The following ZNF280D variants were observed in gnomAD, a reference collection of about 807,000 sequenced individuals.
The protein encoded by ZNF280D is zinc finger protein 280D, also known as suppressor of hairy wing homolog 4.
Under a neutral mutation model 94.7 loss-of-function variants are expected in ZNF280D, and 39 were observed. The ratio of observed to expected loss-of-function variants is 0.41; its 90% CI spans 0.32 to 0.54. The LOEUF (loss-of-function observed/expected upper bound fraction) is 0.54. Ranked by LOEUF, ZNF280D falls within the 20% of genes least tolerant of loss-of-function variation. The probability of loss-of-function intolerance (pLI) is 0.22; values close to 1 mark genes in which losing one functional copy is unlikely to be tolerated. For missense variants in ZNF280D, 1,090 were observed against 1,149.3 expected (o/e 0.95, Z 0.75); for synonymous variants, 398 against 377.6 (o/e 1.05, Z -0.63).
At chr15:56,665,521 T>A (rs2054224756) in intron 16 of ZNF280D, among the ~76,000 whole-genome samples, 1 of 151,746 alleles carries the variant, frequency 6.6e-6, no homozygotes, top group Non-Finnish European at 1.5e-5. Context: ...GGCATCATGG[T>A]GGAATGGTGT....
chr15:56,701,074 T>C lies in ZNF280D; in HGVS notation c.242-2A>G. 1 of 1,613,510 alleles carries C rather than the reference T, an allele frequency of 6.2e-7. No homozygotes were observed. The highest frequency in any genetic ancestry group is 8.5e-7 in the Non-Finnish European group (1 of 1,179,604). On this transcript the variant is annotated splice_acceptor_variant, in intron 5 of 21. Coordinates refer to ENST00000267807, the MANE Select transcript of ZNF280D (RefSeq NM_017661.4). LOFTEE classifies it high-confidence loss of function. ...TAGGCTTGAATGCAGCAGTAATACC[T>C]GTATTTTAAAGTAACACAATATATG...
intron 20 of ZNF280D, chr15:56,635,476 T>C (rs1346884119): frequency 6.0e-6 from 1 of 167,190 alleles, no homozygotes; most frequent in Non-Finnish European, 1.3e-5. Context: ...CAAAAGTTTC[T>C]GATTCAAGGT....
intron 3 of ZNF280D, among the ~76,000 whole-genome samples, chr15:56,705,826 T>C (rs1294248922): frequency 6.6e-6 from 1 of 151,910 alleles, no homozygotes; most frequent in Admixed American, 6.6e-5. Context: ...TTTCCCCCTA[T>C]ACATTAGAGG....
intron 4 of ZNF280D, 23 bp from the exon 5 acceptor site, chr15:56,701,261 T>G: frequency 7.2e-7 from 1 of 1,389,138 alleles, no homozygotes; most frequent in Non-Finnish European, 9.8e-7. Context: ...ATATTTATTT[T>G]AAAATACATT....
In ZNF280D at chr15:56,631,859, A is replaced by T; in HGVS notation, c.2579T>A (p.Ile860Lys). 11 of 1,613,866 alleles carry T rather than the reference A, an allele frequency of 6.8e-6. No individual in the cohort carries two copies. The highest frequency in any genetic ancestry group is 9.3e-6 in the Non-Finnish European group (11 of 1,180,016). ...ATCTTTAATCTGATCAGATAAGATT[A>T]TGTTTTCTGAACTTTGGCACATCTT... ...ELKMCQSSEN[I>K]ILSDQIKDHN... Residue 860 changes from isoleucine (I) to lysine (K), a missense_variant, in exon 22 of 22, where the codon ATA becomes AAA. Ile to Lys is a moderately radical substitution (Grantham distance 102). Transcript: ENST00000267807.
intron 16 of ZNF280D, among the ~76,000 whole-genome samples, chr15:56,663,664 G>T (rs1172451390): frequency 1.3e-5 from 2 of 152,222 alleles, no homozygotes; most frequent in Non-Finnish European, 2.9e-5. Context: ...TAAGAGCTGT[G>T]TGTGATGACA....
At chr15:56,640,858 T>C (rs1179218496) in intron 20 of ZNF280D, among the ~76,000 whole-genome samples, 1 of 152,160 alleles carries the variant, frequency 6.6e-6, no homozygotes, top group Non-Finnish European at 1.5e-5. Flanking sequence ...GTTATTGATA[T>C]CAAATGCTGC....
chr15:56,690,691 T>C (rs1304079643), intron 7 of ZNF280D, among the ~76,000 whole-genome samples: 9 of 152,188 alleles, frequency 5.9e-5, no homozygotes, highest in African/African-American at 1.2e-4. Context: ...ATCCAGGCTA[T>C]AAAAAGGCTC....
intron 11 of ZNF280D, among the ~76,000 whole-genome samples, chr15:56,678,173 AATTTTTGT>A (rs2055374358): frequency 6.6e-6 from 1 of 151,832 alleles, no homozygotes; most frequent in South Asian, 2.1e-4. Context: ...ATGCCCGGCT[AATTTTTGT>A]ATTTTTAGTA....
intron 13 of ZNF280D, among the ~76,000 whole-genome samples, chr15:56,669,886 TATTA>T (rs1349485060): frequency 1.8e-4 from 1 of 5,688 alleles, no homozygotes; most frequent in Non-Finnish European, 4.3e-4. Context: ...TATATATATA[TATTA>T]TATATATATA....
chr15:56,656,741 A>C (rs971190285), intron 17 of ZNF280D, among the ~76,000 whole-genome samples: 5 of 152,276 alleles, frequency 3.3e-5, no homozygotes, highest in East Asian at 1.9e-4. Flanking sequence ...AGGCACAGAC[A>C]AAAAAACCAA....
intron 7 of ZNF280D, 108 bp downstream of exon 7, chr15:56,692,990 T>TG: frequency 3.2e-6 from 2 of 632,670 alleles, no homozygotes; most frequent in Non-Finnish European, 5.6e-6. Context: ...TTACAATATA[T>TG]GAAAAACTTC....
chr15:56,647,146 G>C (rs539756380), intron 19 of ZNF280D, among the ~76,000 whole-genome samples: 133 of 152,266 alleles, frequency 8.7e-4, no homozygotes, highest in Admixed American at 2.4e-3. Flanking sequence ...GAAAGACAAA[G>C]GTCTGTATTG....
At chr15:56,651,423 T>G (rs2053197420) in intron 19 of ZNF280D, among the ~76,000 whole-genome samples, 1 of 152,208 alleles carries the variant, frequency 6.6e-6, no homozygotes. Flanking sequence ...AACTAATTGC[T>G]TACAATAAGC....
chr15:56,724,354 G>A (rs75556233), intron 1 of ZNF280D, among the ~76,000 whole-genome samples: 1,754 of 152,218 alleles, frequency 0.012, 19 homozygotes, highest in Middle Eastern at 0.044. Context: ...AGCAGAGCTC[G>A]GTTAGGTTAT....
intron 14 of ZNF280D, 97 bp downstream of exon 14, chr15:56,668,726 C>A (rs1596418636): frequency 8.6e-7 from 1 of 1,161,430 alleles, no homozygotes; most frequent in African/African-American, 1.6e-5. Context: ...GAGCAAAAAT[C>A]TGAAGTCATT....
At chr15:56,661,772 C>A (rs1379129151) in intron 16 of ZNF280D, among the ~76,000 whole-genome samples, 1 of 152,164 alleles carries the variant, frequency 6.6e-6, no homozygotes, top group Non-Finnish European at 1.5e-5. Flanking sequence ...GGAACTCCCC[C>A]AATCCTAATA....
intron 6 of ZNF280D, among the ~76,000 whole-genome samples, chr15:56,696,908 A>G (rs1311359831): frequency 6.6e-6 from 1 of 152,212 alleles, no homozygotes; most frequent in African/African-American, 2.4e-5. Flanking sequence ...ACTATGCCCA[A>G]AACATTCTGA....
chr15:56,684,319 A>G (rs142064033), intron 9 of ZNF280D, among the ~76,000 whole-genome samples: 80 of 152,340 alleles, frequency 5.3e-4, no homozygotes, highest in African/African-American at 1.9e-3. Flanking sequence ...CATGTAATAA[A>G]AGAAGGCAAA....
Sources: allele counts gnomAD v4.1 joint callset (sites outside exome capture counted in the v4.1 genomes callset), GRCh38; gene constraint gnomAD v4.1.1; transcripts MANE v1.5; gene names NCBI Gene and HGNC (gene_info 2026-07-23, HGNC 2026-07-21).